Variants in SLC4A4 observed in about 807,000 individuals in gnomAD.
SLC4A4 encodes solute carrier family 4 member 4.
A neutral mutation model predicts 111.5 loss-of-function variants in SLC4A4; 27 were observed. That is an observed-to-expected ratio of 0.24 (90% confidence interval 0.18 to 0.33). The LOEUF is 0.33. Among genes scored for constraint, SLC4A4 ranks in the 10% least tolerant of loss-of-function variants. The probability of loss-of-function intolerance (pLI) is 1.00; values close to 1 mark genes in which losing one functional copy is unlikely to be tolerated. For synonymous variants in SLC4A4, 443 were observed against 463.4 expected, an observed-to-expected ratio of 0.96 and a Z score of 0.57; for missense variants, 909 against 1,315.5, an observed-to-expected ratio of 0.69 and a Z score of 4.78.
rs368979214 is a variant in SLC4A4, at chr4:71,557,930, A to G, written c.2937+45A>G. ...AACGTACCTGTGAGATTATATGAGT[A>G]TCATGTGGTTATTGTTATATGGAAG... On this transcript the variant is annotated intron_variant, in intron 22 of 25. Transcript: ENST00000264485. The G allele has an allele frequency of 1.2e-5, 18 of 1,516,194 alleles. No individual in the cohort carries two copies. The African/African-American group carries it at 2.0e-4, about 17-fold the overall frequency. 93.9% of individuals were successfully genotyped at this position (1,516,194 alleles called of 1,614,324 possible). A position where few individuals can be genotyped will look rare whatever the true frequency, so the allele number is the denominator to read the frequency against.
chr4:71,223,985 C>T (rs1467643247), intron 1 of SLC4A4, among the ~76,000 whole-genome samples: 1 of 152,124 alleles, frequency 6.6e-6, no homozygotes, highest in South Asian at 2.1e-4. Context: ...AGCCCAGGTC[C>T]TCACTGCCCC....
At chr4:71,154,336 C>A (rs890817868) in intron 2 of SLC4A4, among the ~76,000 whole-genome samples, 2 of 152,168 alleles carry the variant, frequency 1.3e-5, no homozygotes, top group African/African-American at 2.4e-5. Context: ...GATGAAGGAA[C>A]TTGGTCACAG....
chr4:71,276,564 C>CTT (rs1055421773), intron 3 of SLC4A4, among the ~76,000 whole-genome samples: 2 of 142,408 alleles, frequency 1.4e-5, no homozygotes, highest in Non-Finnish European at 3.1e-5. Context: ...TGTGAATCTG[C>CTT]TTTTTTTTTT....
intron 2 of SLC4A4, among the ~76,000 whole-genome samples, chr4:71,149,736 C>T (rs1490949529): frequency 2.6e-5 from 4 of 152,130 alleles, no homozygotes; most frequent in Non-Finnish European, 4.4e-5. Flanking sequence ...CCAGTTTTGT[C>T]AACTGTGCTG....
At chr4:71,067,966 C>T (rs1741566851) in intron 1 of SLC4A4, among the ~76,000 whole-genome samples, 1 of 151,586 alleles carries the variant, frequency 6.6e-6, no homozygotes, top group Admixed American at 6.6e-5. Context: ...CTAGTTTGGT[C>T]TCAAACTCCT....
intron 2 of SLC4A4, among the ~76,000 whole-genome samples, chr4:71,164,849 A>G (rs142075845): frequency 0.016 from 2,390 of 151,476 alleles, 33 homozygotes; most frequent in South Asian, 0.023. Context: ...ACTTAAACAA[A>G]TTTACAAGAA....
intron 6 of SLC4A4, among the ~76,000 whole-genome samples, chr4:71,363,844 G>A (rs770758437): frequency 2.0e-5 from 3 of 152,122 alleles, no homozygotes; most frequent in Non-Finnish European, 2.9e-5. Flanking sequence ...TAAATGAACC[G>A]ATCTATGGAA....
chr4:71,566,317 G>A (rs957566053), intron 24 of SLC4A4, among the ~76,000 whole-genome samples: 1 of 151,742 alleles, frequency 6.6e-6, no homozygotes, highest in Admixed American at 6.6e-5. Context: ...ACAGACATGT[G>A]CCTAGCATGT....
intron 3 of SLC4A4, among the ~76,000 whole-genome samples, chr4:71,336,625 G>C (rs1181682357): frequency 6.6e-6 from 1 of 151,920 alleles, no homozygotes; most frequent in African/African-American, 2.4e-5. Flanking sequence ...CTCTAAATGT[G>C]GATCAGCTTA....
chr4:71,303,355 T>C (rs991415290), intron 3 of SLC4A4, among the ~76,000 whole-genome samples: 1 of 152,210 alleles, frequency 6.6e-6, no homozygotes, highest in Non-Finnish European at 1.5e-5. Context: ...TCACAGCAAA[T>C]CAGTATGCCT....
At chr4:71,550,548 T>C (rs994700879) in intron 20 of SLC4A4, among the ~76,000 whole-genome samples, 1 of 151,882 alleles carries the variant, frequency 6.6e-6, no homozygotes, top group Non-Finnish European at 1.5e-5. Context: ...CCTTTTTTCC[T>C]CCCCTTTGTG....
intron 2 of SLC4A4, among the ~76,000 whole-genome samples, chr4:71,107,710 GT>G (rs35648709): frequency 0.87 from 129,113 of 148,424 alleles, 57,830 homozygotes; most frequent in South Asian, 0.98. Context: ...TTTCTTTCTT[GT>G]TTTTTTTTTT....
rs183067392 is a variant in SLC4A4 at position 71,081,927 on chromosome 4, T to C, written c.-64-10803T>C. Among the ~76,000 whole-genome samples, 367 of 152,194 alleles carry C rather than the reference T, an allele frequency of 2.4e-3. 5 individuals carry two copies. Among genetic ancestry groups the C allele is most frequent in the African/African-American group, 8.6e-3 (355 of 41,446 alleles). ...TTCATACACACAGGGCTCAAACATA[T>C]GGCTGGAATGCCTGGGTCCCCAGTG... On this transcript the variant is annotated intron_variant, in intron 1 of 26. Transcript: ENST00000649996.
At chr4:71,190,401 C>T (rs1745674805) in intron 1 of SLC4A4, among the ~76,000 whole-genome samples, 1 of 143,852 alleles carries the variant, frequency 7.0e-6, no homozygotes, top group East Asian at 2.0e-4. Context: ...CACACACACA[C>T]ACACACACAC....
At chr4:71,504,888 C>G in intron 16 of SLC4A4, among the ~76,000 whole-genome samples, 1 of 152,070 alleles carries the variant, frequency 6.6e-6, no homozygotes. Context: ...CCCACCTCCC[C>G]CTCCCAACAG....
rs147879607 is a variant in SLC4A4, at chr4:71,116,407, C to T, written c.-2+23615C>T. 6.8e-3 allele frequency among the ~76,000 whole-genome samples: 1,030 copies of T among 152,244 alleles called. 13 individuals carry two copies. Among genetic ancestry groups the T allele is most frequent in the African/African-American group, 0.024 (980 of 41,534 alleles). Reference sequence around the variant, plus strand: ...ATATACCTAGCTTAGAATTTTCTACCTTTAATACAAAACGAGTCAACACAT... The same window carrying T: ...ATATACCTAGCTTAGAATTTTCTACTTTTAATACAAAACGAGTCAACACAT... On this transcript the variant is annotated intron_variant, in intron 2 of 26. Transcript: ENST00000649996.
intron 16 of SLC4A4, among the ~76,000 whole-genome samples, chr4:71,514,089 A>G (rs1280616573): frequency 6.6e-6 from 1 of 151,808 alleles, no homozygotes; most frequent in Non-Finnish European, 1.5e-5. Flanking sequence ...ATTGACCTGT[A>G]TTTGTCTTTT....
intron 1 of SLC4A4, among the ~76,000 whole-genome samples, chr4:71,194,155 T>A (rs1368111433): frequency 6.6e-6 from 1 of 152,192 alleles, no homozygotes; most frequent in Non-Finnish European, 1.5e-5. Flanking sequence ...TTATTAGTTG[T>A]TTTGAGAATT....
chr4:71,510,291 C>G (rs889300961), intron 16 of SLC4A4, among the ~76,000 whole-genome samples: 7 of 152,214 alleles, frequency 4.6e-5, no homozygotes, highest in Non-Finnish European at 1.0e-4. Flanking sequence ...GGCTTTCACA[C>G]TCCATAGGGA....
Sources: allele counts gnomAD v4.1 joint callset (sites outside exome capture counted in the v4.1 genomes callset), GRCh38; gene constraint gnomAD v4.1.1; transcripts MANE v1.5; gene names NCBI Gene and HGNC (gene_info 2026-07-23, HGNC 2026-07-21).